The following SPADH variants were observed in gnomAD, a reference collection of about 807,000 sequenced individuals.
The protein encoded by SPADH is spermadhesin family member, also known as CUB domain-containing protein.
At chr10:122,674,997 G>A in the SPADH span, among the ~76,000 whole-genome samples, 6 of 152,224 alleles carry the variant, frequency 3.9e-5, no homozygotes, top group South Asian at 2.1e-4. Context: ...CACGTGCACC[G>A]TGGGACGTAT....
At chr10:122,676,775 C>A in the SPADH span, 1 of 985,346 alleles carries the variant, frequency 1.0e-6, no homozygotes, top group Non-Finnish European at 1.2e-6. Flanking sequence ...ACTGTGGGGG[C>A]CACTACACAG....
chr10:122,675,676 T>C, the SPADH span: 1 of 982,130 alleles, frequency 1.0e-6, no homozygotes, highest in Non-Finnish European at 1.2e-6. Context: ...CACAGGTAAA[T>C]GCAGACAAGA....
the SPADH span, among the ~76,000 whole-genome samples, chr10:122,675,012 T>C: frequency 2.0e-5 from 3 of 152,138 alleles, no homozygotes; most frequent in Non-Finnish European, 4.4e-5. Flanking sequence ...ACGTATGAGA[T>C]TGTGTGCAGG....
the SPADH span, among the ~76,000 whole-genome samples, chr10:122,674,461 G>A: frequency 1.3e-5 from 2 of 152,216 alleles, no homozygotes; most frequent in African/African-American, 2.4e-5. Context: ...AATATGACAG[G>A]CATGTTCAGG....
At chr10:122,673,199 T>G in the SPADH span, among the ~76,000 whole-genome samples, 4 of 152,206 alleles carry the variant, frequency 2.6e-5, no homozygotes, top group East Asian at 7.7e-4. Flanking sequence ...CCCTCCTTCC[T>G]GCCTTAAGCA....
chr10:122,677,799 A>G, the SPADH span, among the ~76,000 whole-genome samples: 2 of 152,128 alleles, frequency 1.3e-5, no homozygotes, highest in Non-Finnish European at 2.9e-5. Flanking sequence ...TGCCTCAAAT[A>G]CGGGGCTTAA....
At chr10:122,673,609 T>G in the SPADH span, among the ~76,000 whole-genome samples, 2 of 152,202 alleles carry the variant, frequency 1.3e-5, no homozygotes, top group African/African-American at 4.8e-5. Context: ...ATAGATTTCC[T>G]CAGGGAGATG....
At chr10:122,674,603 G>C in the SPADH span, among the ~76,000 whole-genome samples, 1 of 152,222 alleles carries the variant, frequency 6.6e-6, no homozygotes. Context: ...GGCTCAGGAA[G>C]GACAGCTAAG....
At chr10:122,675,959 C>A in the SPADH span, among the ~76,000 whole-genome samples, 48 of 152,364 alleles carry the variant, frequency 3.2e-4, no homozygotes, top group Non-Finnish European at 5.6e-4. Context: ...GGAGCCACCA[C>A]TCCACAGAGC....
chr10:122,674,395 G>T, the SPADH span, among the ~76,000 whole-genome samples: 4 of 152,250 alleles, frequency 2.6e-5, no homozygotes, highest in Admixed American at 2.6e-4. Flanking sequence ...CTTTGCCTAA[G>T]AATCTAGATG....
At chr10:122,678,703 T>C in the SPADH span, 1 of 155,878 alleles carries the variant, frequency 6.4e-6, no homozygotes, top group Non-Finnish European at 1.4e-5. Flanking sequence ...ACTGACAAAC[T>C]TTCCTTCTTT....
At chr10:122,679,002 C>T in the SPADH span, 2 of 985,346 alleles carry the variant, frequency 2.0e-6, no homozygotes, top group African/African-American at 3.5e-5. Flanking sequence ...CATCCACCCA[C>T]CTTCTTTGAA....
the SPADH span, among the ~76,000 whole-genome samples, chr10:122,677,923 G>A: frequency 3.3e-5 from 5 of 152,188 alleles, no homozygotes; most frequent in East Asian, 5.8e-4. Context: ...TGAAAGAGTC[G>A]TGCACTTCCT....
chr10:122,678,385 C>T, the SPADH span, among the ~76,000 whole-genome samples: 5 of 152,144 alleles, frequency 3.3e-5, no homozygotes, highest in Admixed American at 2.0e-4. Flanking sequence ...TCCCATCTGC[C>T]AGGGGAAAGG....
At chr10:122,672,861 T>A in the SPADH span, 1 of 985,266 alleles carries the variant, frequency 1.0e-6, no homozygotes, top group Non-Finnish European at 1.2e-6. Context: ...CTCCTGAGGT[T>A]GGTGCCAGGC....
At chr10:122,679,077 T>C in the SPADH span, 3 of 919,412 alleles carry the variant, frequency 3.3e-6, no homozygotes, top group Non-Finnish European at 3.9e-6. Context: ...AGGCACCTGC[T>C]GATGCTCCCC....
the SPADH span, among the ~76,000 whole-genome samples, chr10:122,679,270 G>A: frequency 7.2e-5 from 11 of 152,242 alleles, no homozygotes; most frequent in East Asian, 2.1e-3. Context: ...CACATCTTTA[G>A]TGTTAGAAGA....
At chr10:122,675,148 C>T in the SPADH span, among the ~76,000 whole-genome samples, 1 of 152,154 alleles carries the variant, frequency 6.6e-6, no homozygotes, top group Non-Finnish European at 1.5e-5. Flanking sequence ...AAATTAATCA[C>T]TGGTTTTGTT....
the SPADH span, chr10:122,675,602 A>G: frequency 1.0e-6 from 1 of 957,744 alleles, no homozygotes; most frequent in Middle Eastern, 5.4e-4. Flanking sequence ...TGGTAAGTTC[A>G]GATTTTCATG....
Sources: gnomAD v4.1 joint callset for allele counts (sites outside exome capture counted in the v4.1 genomes callset) on GRCh38, gnomAD v4.1.1 for gene constraint, MANE v1.5 for transcripts, NCBI Gene and HGNC (gene_info 2026-07-23, HGNC 2026-07-21) for gene names.